TENM1: variants seen among roughly 807,000 people sequenced by gnomAD.
TENM1 encodes the protein teneurin transmembrane protein 1.
Under a neutral mutation model 174.8 loss-of-function variants are expected in TENM1, and 35 were observed. The observed-to-expected ratio is 0.20, with a 90% CI of 0.15 to 0.27. The LOEUF (loss-of-function observed/expected upper bound fraction) is 0.27, where lower values mean the gene tolerates loss of function less well. Ranked by LOEUF, TENM1 falls within the 10% of genes least tolerant of loss-of-function variation. The pLI is 1.00. For missense variants in TENM1, 1,633 were observed against 2,130.1 expected, an observed-to-expected ratio of 0.77 and a Z score of 4.59; for synonymous variants, 781 against 798.7, an observed-to-expected ratio of 0.98 and a Z score of 0.37.
chrX:124,556,641 CTCTT>C (rs1602657594), intron 14 of TENM1, among the ~76,000 whole-genome samples: 3 of 110,440 alleles, frequency 2.7e-5, no homozygotes, highest in Non-Finnish European at 3.8e-5. Context: ...TCTGATTTGC[CTCTT>C]TCTAATTTTT....
At chrX:124,886,734 T>G (rs1212641803) in intron 3 of TENM1, among the ~76,000 whole-genome samples, 2 of 103,242 alleles carry the variant, frequency 1.9e-5, no homozygotes, top group East Asian at 3.0e-4. Flanking sequence ...GAAGGTTTTT[T>G]TTTTTTTTTT....
chrX:124,925,345 T>C (rs1603278425), intron 1 of TENM1, among the ~76,000 whole-genome samples: 1 of 111,212 alleles, frequency 9.0e-6, no homozygotes, highest in South Asian at 3.8e-4. Flanking sequence ...TGGTGAATTA[T>C]AGACTTAACT....
At chrX:124,730,605 A>C (rs769010395) in intron 4 of TENM1, among the ~76,000 whole-genome samples, 1 of 112,043 alleles carries the variant, frequency 8.9e-6, no homozygotes, top group Non-Finnish European at 1.9e-5. Context: ...AAAGCGTCGT[A>C]GGAGGAAAGG....
chrX:124,807,249 A>G (rs2055625645), intron 3 of TENM1, among the ~76,000 whole-genome samples: 2 of 112,096 alleles, frequency 1.8e-5, no homozygotes, highest in Admixed American at 9.5e-5. Flanking sequence ...TTACATTTCA[A>G]CATGAGATTT....
At chrX:124,567,298 G>C (rs1433739624) in intron 11 of TENM1, among the ~76,000 whole-genome samples, 1 of 111,461 alleles carries the variant, frequency 9.0e-6, no homozygotes, top group African/African-American at 3.3e-5. Flanking sequence ...TCTAAACAGG[G>C]AATAGAAGAG....
In TENM1 at chrX:124,668,976, T is replaced by C. The variant is rs149834412; in HGVS notation, c.1168+2707A>G. On this transcript the variant is annotated intron_variant, in intron 6 of 31. Transcript: ENST00000422452. Reference sequence around the variant, plus strand: ...AAACACTTCGATCTCAAGAAGGTCATCATTCACTGCAAAGTTCATAGTGGT... The same window carrying C: ...AAACACTTCGATCTCAAGAAGGTCACCATTCACTGCAAAGTTCATAGTGGT... 7.8e-3 allele frequency among the ~76,000 whole-genome samples: 869 copies of C among 111,819 alleles called. 10 individuals carry two copies. The highest frequency in any genetic ancestry group is 0.026 in the African/African-American group (809 of 30,733).
At chrX:124,841,253 C>A (rs1174249708) in intron 3 of TENM1, among the ~76,000 whole-genome samples, 1 of 111,826 alleles carries the variant, frequency 8.9e-6, no homozygotes, top group African/African-American at 3.2e-5. Flanking sequence ...GGAAAACACA[C>A]ACACTTAGAT....
At chrX:125,103,805 G>C in the TENM1 span, among the ~76,000 whole-genome samples, 4 of 111,679 alleles carry the variant, frequency 3.6e-5, no homozygotes, top group African/African-American at 1.3e-4. Context: ...GACCAATATG[G>C]TGAAAACCCA....
intron 25 of TENM1, among the ~76,000 whole-genome samples, chrX:124,413,277 ATCAT>A (rs2060556662): frequency 8.9e-6 from 1 of 111,947 alleles, no homozygotes; most frequent in Non-Finnish European, 1.9e-5. Flanking sequence ...GTGATTGCCT[ATCAT>A]TCAGATTTGT....
intron 3 of TENM1, among the ~76,000 whole-genome samples, chrX:124,737,970 C>T (rs1344608018): frequency 1.8e-5 from 2 of 111,849 alleles, no homozygotes; most frequent in African/African-American, 3.3e-5. Flanking sequence ...CCTGGGACAG[C>T]GGTCCTCAGG....
chrX:124,981,845 C>G, the TENM1 span, among the ~76,000 whole-genome samples: 1 of 109,501 alleles, frequency 9.1e-6, no homozygotes, highest in Non-Finnish European at 1.9e-5. Flanking sequence ...AAAATAACCT[C>G]TGGGAAAGAA....
At chrX:124,589,963 CTAG>C (rs1340901431) in intron 11 of TENM1, among the ~76,000 whole-genome samples, 9 of 110,682 alleles carry the variant, frequency 8.1e-5, no homozygotes, top group South Asian at 7.6e-4. Context: ...TGCTTTGGGG[CTAG>C]TTTGTTCTTG....
At position 124,405,182 on chromosome X, in the gene TENM1, G is replaced by C; in HGVS notation, c.5240C>G (p.Ser1747Ter). Residue 1747 changes from serine (S) to a stop codon, truncating the protein, a stop_gained, in exon 27 of 32, where the codon TCA becomes TGA. Transcript: ENST00000422452. LOFTEE classifies it high-confidence loss of function. The stretch of plus-strand genomic sequence containing the variant: ...TGCCCCTGCCAGGATGTGGGGCTCT[G>C]AGCTGAGGCCGATCTCCATCCCGCT... 8.3e-7 allele frequency: 1 copy of C among 1,211,770 alleles called. No homozygotes were observed. The highest frequency in any genetic ancestry group is 1.1e-6 in the Non-Finnish European group (1 of 895,514).
At chrX:124,567,985 C>A (rs1424777257) in intron 11 of TENM1, among the ~76,000 whole-genome samples, 3 of 112,031 alleles carry the variant, frequency 2.7e-5, no homozygotes, top group Non-Finnish European at 5.6e-5. Context: ...AGGAGTATAA[C>A]ATTCTGATTT....
chrX:125,162,620 G>T, the TENM1 span, among the ~76,000 whole-genome samples: 1 of 111,004 alleles, frequency 9.0e-6, no homozygotes, highest in Non-Finnish European at 1.9e-5. Flanking sequence ...CATTTTCATT[G>T]GCTACTCTTC....
At chrX:124,627,610 A>C (rs769638790) in intron 11 of TENM1, among the ~76,000 whole-genome samples, 8 of 111,925 alleles carry the variant, frequency 7.1e-5, no homozygotes, top group African/African-American at 2.6e-4. Flanking sequence ...TATACAGCAC[A>C]CATGATTTTT....
intron 3 of TENM1, 144 bp downstream of exon 6, chrX:124,894,152 G>A (rs1181464107): frequency 5.8e-5 from 26 of 445,750 alleles, no homozygotes; most frequent in Admixed American, 1.0e-4. Context: ...AAACAAATAA[G>A]CTGCCACTGT....
At chrX:124,637,310 G>A (rs1486440475) in intron 11 of TENM1, among the ~76,000 whole-genome samples, 1 of 109,888 alleles carries the variant, frequency 9.1e-6, no homozygotes, top group Non-Finnish European at 1.9e-5. Flanking sequence ...GGCTGGTCTC[G>A]ATTTCTTGAC....
At chrX:124,435,982 G>A (rs894729764) in intron 23 of TENM1, among the ~76,000 whole-genome samples, 3 of 111,798 alleles carry the variant, frequency 2.7e-5, no homozygotes, top group Non-Finnish European at 3.8e-5. Context: ...TCACCCTCAC[G>A]AATAGCAAAT....
Sources: allele counts gnomAD v4.1 joint callset (sites outside exome capture counted in the v4.1 genomes callset), GRCh38; gene constraint gnomAD v4.1.1; transcripts MANE v1.5; gene names NCBI Gene and HGNC (gene_info 2026-07-23, HGNC 2026-07-21).